Variants in NPHP4 observed in about 807,000 individuals in gnomAD.
NPHP4 encodes nephrocystin 4, also known as nephrocystin-4.
Under a neutral mutation model 155.8 loss-of-function variants are expected in NPHP4, and 151 were observed. That is an observed-to-expected ratio of 0.97 (90% CI 0.85 to 1.11). NPHP4 has a LOEUF of 1.11. NPHP4 is among the 50% of genes least tolerant of loss of function. The pLI is 0.00. For missense variants in NPHP4, 1,956 were observed against 1,925.7 expected, an observed-to-expected ratio of 1.02 and a Z score of -0.29; for synonymous variants, 845 against 816.8, an observed-to-expected ratio of 1.03 and a Z score of -0.59.
chr1:5,931,537 C>A (rs899997337), intron 10 of NPHP4, among the ~76,000 whole-genome samples: 2 of 151,810 alleles, frequency 1.3e-5, no homozygotes, highest in African/African-American at 4.8e-5. Flanking sequence ...AGTTCAAGAC[C>A]AGCCTGGCCA....
intron 16 of NPHP4, among the ~76,000 whole-genome samples, chr1:5,900,768 C>T (rs1349046291): frequency 5.3e-5 from 8 of 152,092 alleles, no homozygotes; most frequent in African/African-American, 9.7e-5. Context: ...TGGTGGCTCA[C>T]GCCTGTCATC....
chr1:5,887,551 C>T, intron 17 of NPHP4, 85 bp from the exon 18 acceptor site: 1 of 1,451,356 alleles, frequency 6.9e-7, no homozygotes. Flanking sequence ...TGCTCCCCAG[C>T]CCAGCAGGAA....
At chr1:5,901,641 G>C (rs1035168676) in intron 16 of NPHP4, among the ~76,000 whole-genome samples, 2 of 152,220 alleles carry the variant, frequency 1.3e-5, no homozygotes, top group African/African-American at 4.8e-5. Context: ...GCATCTCTAA[G>C]TGGTTGGCCT....
rs1433852047 is a variant in NPHP4 at position 5,887,425 on chromosome 1, G to T, written c.2346C>A (p.His782Gln). The change falls in exon 18 of 30, where the codon CAC becomes CAA. Residue 782 changes from histidine (H) to glutamine (Q), a missense_variant. Transcript: ENST00000378156. ...RQGRPAVQAS[H>Q]ELEVVATEYE... ...ATTCAGTTGCCACGACCTCAAGCTC[G>T]TGGGAGGCCTGCACAGCCGGCCGGC... is the stretch of plus-strand genomic sequence containing the variant. The T allele has an allele frequency of 1.9e-6, 3 of 1,613,192 alleles. No individual in the cohort carries two copies. The highest frequency in any genetic ancestry group is 2.5e-6 in the Non-Finnish European group (3 of 1,179,892).
Position 5,864,318 on chromosome 1 carries a change from T to C in NPHP4, c.3996+20A>G. The C allele has an allele frequency of 6.3e-7, 1 of 1,580,666 alleles. No homozygotes were observed. Among genetic ancestry groups the C allele is most frequent in the East Asian group, 2.3e-5 (1 of 44,218 alleles). ...ATTGAGCCCCCATCCCCTCAGCCTG[T>C]GCCTGCCACACATACAGACCTTGGA... is the stretch of plus-strand genomic sequence containing the variant. On this transcript the variant is annotated intron_variant, in intron 28 of 29. Coordinates refer to ENST00000378156, the MANE Select transcript of NPHP4 (RefSeq NM_015102.5).
chr1:5,932,425 A>C (rs968916027), intron 10 of NPHP4, among the ~76,000 whole-genome samples: 4 of 152,126 alleles, frequency 2.6e-5, no homozygotes, highest in African/African-American at 9.7e-5. Context: ...CTCACCAAAC[A>C]CTGCAGCCGA....
chr1:5,970,855 T>C (rs1652432264), intron 3 of NPHP4, among the ~76,000 whole-genome samples: 1 of 152,064 alleles, frequency 6.6e-6, no homozygotes, highest in African/African-American at 2.4e-5. Context: ...ACATCAGCCA[T>C]GAGATATAAA....
intron 27 of NPHP4, 120 bp from the exon 28 acceptor site, chr1:5,864,637 G>A (rs1177442518): frequency 1.4e-5 from 13 of 952,586 alleles, no homozygotes; most frequent in East Asian, 5.4e-5. Flanking sequence ...GTTCCGGGGC[G>A]GCCAAATCTG....
chr1:5,977,697 G>A (rs1355164119), intron 3 of NPHP4, among the ~76,000 whole-genome samples: 1 of 149,948 alleles, frequency 6.7e-6, no homozygotes, highest in East Asian at 2.1e-4. Context: ...CCAGCCGCAA[G>A]ACCACCTGAG....
chr1:5,927,525 C>T (rs1015505553), intron 11 of NPHP4, 124 bp downstream of exon 11: 23 of 1,039,286 alleles, frequency 2.2e-5, no homozygotes, highest in Non-Finnish European at 3.2e-5. Context: ...TCCATTAATG[C>T]AATCTACGAC....
At chr1:5,865,395 G>T in intron 26 of NPHP4, 122 bp from the exon 27 acceptor site, 1 of 912,140 alleles carries the variant, frequency 1.1e-6, no homozygotes, top group Non-Finnish European at 1.6e-6. Context: ...AGCCCCAGAG[G>T]ACCAGGCCAC....
At chr1:5,929,337 T>C (rs1236385318) in intron 10 of NPHP4, among the ~76,000 whole-genome samples, 3 of 152,196 alleles carry the variant, frequency 2.0e-5, no homozygotes. Flanking sequence ...ATACTGAACA[T>C]GACGTTGAAT....
chr1:5,869,348 GCA>G lies in NPHP4; in HGVS notation c.3316-1454_3316-1453del, dbSNP rs749978799. Among the ~76,000 whole-genome samples the G allele has an allele frequency of 3.1e-3, 420 of 136,814 alleles. 1 individual carries two copies. Among genetic ancestry groups the G allele is most frequent in the African/African-American group, 0.011 (398 of 36,016 alleles). 89.8% of individuals were successfully genotyped at this position (136,814 alleles called of 152,430 possible). A position where few individuals can be genotyped will look rare whatever the true frequency, so the allele number is the denominator to read the frequency against. On this transcript the variant is annotated intron_variant, in intron 23 of 29. Transcript: ENST00000378156. ...ACACACACACCACCCACACATGCAC[GCA>G]CACACACACATGCATGCACACACAC...
chr1:5,864,592 G>GC, intron 27 of NPHP4, 75 bp from the exon 28 acceptor site: 1 of 1,360,830 alleles, frequency 7.3e-7, no homozygotes, highest in Non-Finnish European at 9.8e-7. Flanking sequence ...GGCGCCTGCA[G>GC]CCCAATCAGC....
intron 6 of NPHP4, among the ~76,000 whole-genome samples, chr1:5,954,321 C>T (rs1648775308): frequency 2.0e-5 from 3 of 152,054 alleles, no homozygotes; most frequent in South Asian, 2.1e-4. Context: ...GAGAAATAAT[C>T]GTAATATTGT....
At chr1:5,883,046 A>G (rs1643448044) in intron 18 of NPHP4, among the ~76,000 whole-genome samples, 1 of 152,132 alleles carries the variant, frequency 6.6e-6, no homozygotes, top group Non-Finnish European at 1.5e-5. Flanking sequence ...CAGGCTTCTT[A>G]TCAACGCTTT....
intron 1 of NPHP4, among the ~76,000 whole-genome samples, chr1:5,987,939 T>C (rs1363766788): frequency 2.0e-4 from 31 of 152,222 alleles, no homozygotes; most frequent in South Asian, 2.1e-4. Flanking sequence ...TTGTATCCTC[T>C]ACCATGAGCC....
At chr1:5,958,856 CAAA>C (rs397705325) in intron 6 of NPHP4, among the ~76,000 whole-genome samples, 3 of 75,898 alleles carry the variant, frequency 4.0e-5, no homozygotes, top group Admixed American at 1.7e-4. Context: ...GACCCTGTCT[CAAA>C]AAAAAAAAAA....
At chr1:5,979,320 A>T (rs1194672954) in intron 2 of NPHP4, among the ~76,000 whole-genome samples, 1 of 141,904 alleles carries the variant, frequency 7.0e-6, no homozygotes, top group African/African-American at 2.5e-5. Context: ...AAGAACGGGG[A>T]GAGAGGTGGG....
Sources: gnomAD v4.1 joint callset for allele counts (sites outside exome capture counted in the v4.1 genomes callset) on GRCh38, gnomAD v4.1.1 for gene constraint, MANE v1.5 for transcripts, NCBI Gene and HGNC (gene_info 2026-07-23, HGNC 2026-07-21) for gene names.